The following NFX1 variants were observed in gnomAD, a reference collection of about 807,000 sequenced individuals.
The protein encoded by NFX1 is nuclear transcription factor, X-box binding 1, also known as transcriptional repressor NF-X1.
NFX1 carries 69 observed loss-of-function variants against 137.2 expected under a neutral mutation model. That is an observed-to-expected ratio of 0.50 (90% confidence interval 0.41 to 0.61). NFX1 has a LOEUF of 0.61. Among genes scored for constraint, NFX1 ranks in the 20% least tolerant of loss-of-function variants. The probability of loss-of-function intolerance (pLI) is 0.00; values close to 1 mark genes in which losing one functional copy is unlikely to be tolerated. For synonymous variants in NFX1, 495 were observed against 474.1 expected (o/e 1.04, Z -0.57); for missense variants, 1,167 against 1,391.0 (o/e 0.84, Z 2.56).
At position 33,312,216 on chromosome 9, in the gene NFX1, A is replaced by G. The variant is rs74708847; in HGVS notation, c.1448+1039A>G. On this transcript the variant is annotated intron_variant, in intron 6 of 23. Transcript: ENST00000379540. ...GGACAGCCATGTGGCCTGAGATTAC[A>G]TGTAAGTGTTTTGACTCAGAAAGGT... Among the ~76,000 whole-genome samples, 1,011 of 152,308 alleles carry G rather than the reference A, an allele frequency of 6.6e-3. 7 individuals are homozygous for G. Among genetic ancestry groups the G allele is most frequent in the African/African-American group, 0.023 (961 of 41,570 alleles).
intron 15 of NFX1, among the ~76,000 whole-genome samples, 154 bp from the exon 16 acceptor site, chr9:33,351,406 G>A (rs1463842746): frequency 5.4e-5 from 8 of 149,056 alleles, no homozygotes; most frequent in Admixed American, 5.3e-4. Flanking sequence ...TAATCACACT[G>A]TTGCACTCCA....
In NFX1 at chr9:33,294,744, G is replaced by A. The variant is rs371851347; in HGVS notation, c.350G>A (p.Arg117Lys). ...QKLRNEKHHI[R>K]VKKAQSLAEQ... ...TTGAGGAATGAGAAGCACCATATCA[G>A]AGTCAAGAAAGCACAGAGTCTTGCT... The change falls in exon 2 of 24, where the codon AGA becomes AAA. Residue 117 changes from arginine to lysine, a missense_variant. Around this residue, in one of 3 missense-constraint regions of NFX1, gnomAD observed 367 missense variants for 386.7 expected, o/e 0.95. Coordinates refer to ENST00000379540, the MANE Select transcript of NFX1 (RefSeq NM_002504.6). The A allele has an allele frequency of 1.2e-6, 2 of 1,614,104 alleles. No individual in the cohort carries two copies. Among genetic ancestry groups the A allele is most frequent in the Admixed American group, 3.3e-5 (2 of 60,026 alleles).
In NFX1 at chr9:33,294,743, A is replaced by G. The variant is rs763752139; in HGVS notation, c.349A>G (p.Arg117Gly). Residue 117 changes from arginine to glycine, a missense_variant, in exon 2 of 24, where the codon AGA becomes GGA. Around this residue, in one of 3 missense-constraint regions of NFX1, gnomAD observed 367 missense variants for 386.7 expected, o/e 0.95. Coordinates refer to ENST00000379540, the MANE Select transcript of NFX1 (RefSeq NM_002504.6). ...QKLRNEKHHI[R>G]VKKAQSLAEQ... ...ATTGAGGAATGAGAAGCACCATATC[A>G]GAGTCAAGAAAGCACAGAGTCTTGC... 6.2e-7 allele frequency: 1 copy of G among 1,614,142 alleles called. No homozygotes were observed.
At chr9:33,358,225 C>T (rs972045444) in intron 19 of NFX1, among the ~76,000 whole-genome samples, 2 of 151,528 alleles carry the variant, frequency 1.3e-5, no homozygotes, top group African/African-American at 2.4e-5. Context: ...CCCGGGTTCA[C>T]GCCATTCTCC....
At chr9:33,357,251 G>A (rs368894456) in intron 19 of NFX1, among the ~76,000 whole-genome samples, 4 of 152,104 alleles carry the variant, frequency 2.6e-5, no homozygotes, top group African/African-American at 7.2e-5. Flanking sequence ...GCAGTGAGCC[G>A]AGATGGTGCC....
chr9:33,306,269 G>T (rs998745203), intron 4 of NFX1, among the ~76,000 whole-genome samples: 2 of 152,218 alleles, frequency 1.3e-5, no homozygotes, highest in Non-Finnish European at 2.9e-5. Flanking sequence ...CTCTGACAGA[G>T]TTGACGTCAC....
At position 33,313,882 on chromosome 9, in the gene NFX1, G is replaced by A. The variant is rs1414639652; in HGVS notation, c.1588+89G>A. ...TCTTGATAAACTTTGATTGGTGTCA[G>A]ACTTTTAGTCACAAAGACCTTGAGT... On this transcript the variant is annotated intron_variant, in intron 7 of 23. Coordinates refer to ENST00000379540, the MANE Select transcript of NFX1 (RefSeq NM_002504.6). The A allele has an allele frequency of 3.6e-6, 5 of 1,386,584 alleles. No homozygotes were observed. In the African/African-American group the frequency reaches 5.7e-5, roughly 16 times the overall value. The allele number at this position is 1,386,584 out of a possible 1,614,324, so 85.9% of individuals were successfully genotyped here. A position where few individuals can be genotyped will look rare whatever the true frequency, so the allele number is the denominator to read the frequency against.
chr9:33,368,750 GGT>G (rs1475352440), intron 23 of NFX1, among the ~76,000 whole-genome samples: 2 of 152,162 alleles, frequency 1.3e-5, no homozygotes, highest in African/African-American at 4.8e-5. Flanking sequence ...ACCTCTGAAG[GGT>G]GGTTACGGCA....
intron 11 of NFX1, among the ~76,000 whole-genome samples, chr9:33,333,046 G>T (rs1190773046): frequency 6.6e-6 from 1 of 152,084 alleles, no homozygotes; most frequent in Admixed American, 6.6e-5. Flanking sequence ...GGGTTTCACT[G>T]TGTTGGCCAG....
At chr9:33,360,436 G>GTAGGTAC (rs1221453742) in intron 19 of NFX1, among the ~76,000 whole-genome samples, 1 of 152,132 alleles carries the variant, frequency 6.6e-6, no homozygotes, top group Non-Finnish European at 1.5e-5. Flanking sequence ...TTGGCACATA[G>GTAGGTAC]TAGGTACTCA....
chr9:33,295,475 T>G, intron 2 of NFX1, 48 bp downstream of exon 2: 1 of 1,524,698 alleles, frequency 6.6e-7, no homozygotes, highest in African/African-American at 1.4e-5. Context: ...TTAATTTAAA[T>G]TTTTAAATAA....
intron 19 of NFX1, among the ~76,000 whole-genome samples, chr9:33,355,701 A>G (rs1184233335): frequency 7.0e-6 from 1 of 141,986 alleles, no homozygotes; most frequent in Admixed American, 7.4e-5. Context: ...CTGGAGTGCA[A>G]TGGCATGATC....
chr9:33,352,558 T>G, intron 16 of NFX1, 88 bp from the exon 17 acceptor site: 1 of 1,129,966 alleles, frequency 8.8e-7, no homozygotes, highest in Non-Finnish European at 1.3e-6. Context: ...GTCTCTGCTA[T>G]GGTTTAAGAG....
chr9:33,325,521 G>A (rs830579), intron 9 of NFX1, among the ~76,000 whole-genome samples: 3 of 151,988 alleles, frequency 2.0e-5, no homozygotes, highest in Admixed American at 1.3e-4. Flanking sequence ...AAAATTAGCC[G>A]GGCATGGTGG....
rs12342956 is a variant in NFX1 at position 33,306,541 on chromosome 9, A to G, written c.1271-653A>G. Among the ~76,000 whole-genome samples, 1,314 of 152,296 alleles carry G rather than the reference A, an allele frequency of 8.6e-3. 21 individuals carry two copies. The highest frequency in any genetic ancestry group is 0.03 in the African/African-American group (1,237 of 41,552). Reference sequence around the variant, plus strand: ...TAGTATAGAGAGAAAAGCAGAGGCCATGGACTGGGGATGGCTGCAATTTAG... The same window carrying G: ...TAGTATAGAGAGAAAAGCAGAGGCCGTGGACTGGGGATGGCTGCAATTTAG... On this transcript the variant is annotated intron_variant, in intron 4 of 23. Coordinates refer to ENST00000379540, the MANE Select transcript of NFX1 (RefSeq NM_002504.6).
At chr9:33,367,718 C>T in intron 23 of NFX1, 99 bp downstream of exon 23, 2 of 1,096,190 alleles carry the variant, frequency 1.8e-6, no homozygotes, top group South Asian at 2.6e-5. Context: ...GTGGCCTCCT[C>T]AGGCCTGGCC....
At chr9:33,325,520 C>T (rs1284754024) in intron 9 of NFX1, among the ~76,000 whole-genome samples, 1 of 152,028 alleles carries the variant, frequency 6.6e-6, no homozygotes, top group Non-Finnish European at 1.5e-5. Flanking sequence ...AAAAATTAGC[C>T]GGGCATGGTG....
At chr9:33,304,914 A>G (rs991919274) in intron 4 of NFX1, among the ~76,000 whole-genome samples, 5 of 152,258 alleles carry the variant, frequency 3.3e-5, no homozygotes, top group African/African-American at 1.2e-4. Context: ...AAATCTTGTT[A>G]AAGCCTCTAC....
rs184261438 is a variant in NFX1, at chr9:33,361,224, C to T, written c.2874-2786C>T. 1.3e-4 allele frequency among the ~76,000 whole-genome samples: 20 copies of T among 152,086 alleles called. No individual in the cohort carries two copies. In the East Asian group the frequency reaches 3.7e-3, roughly 28 times the overall value. On this transcript the variant is annotated intron_variant, in intron 19 of 23. Coordinates refer to ENST00000379540, the MANE Select transcript of NFX1 (RefSeq NM_002504.6). ...ATTAGAAGACTATGAGCCATGAAGA[C>T]AGTTAAGTGTGAAAACAAAATAATA...
Sources: allele counts gnomAD v4.1 joint callset (sites outside exome capture counted in the v4.1 genomes callset), GRCh38; gene constraint gnomAD v4.1.1; regional missense constraint gnomAD v4.1.1; transcripts MANE v1.5; gene names NCBI Gene and HGNC (gene_info 2026-07-23, HGNC 2026-07-21).